CDC25A: variants seen among roughly 807,000 people sequenced by gnomAD.
CDC25A encodes M-phase inducer phosphatase 1.
In CDC25A, 17 loss-of-function variants were observed where a neutral mutation model predicts 64.6. The observed-to-expected ratio is 0.26, with a 90% CI of 0.18 to 0.39. The LOEUF (loss-of-function observed/expected upper bound fraction) is 0.39. CDC25A is among the 10% of genes least tolerant of loss of function. The pLI, the probability that CDC25A is intolerant of heterozygous loss-of-function variation, is 1.00. For missense variants in CDC25A, 473 were observed against 654.8 expected (o/e 0.72, Z 3.03); for synonymous variants, 229 against 238.6 (o/e 0.96, Z 0.37).
chr3:48,187,919 C>T lies in CDC25A; in HGVS notation c.29G>A (p.Arg10His), dbSNP rs1158177901. The change falls in exon 1 of 15, where the codon CGC becomes CAC. Residue 10 changes from arginine (R) to histidine (H), a missense_variant. Coordinates refer to ENST00000302506, the MANE Select transcript of CDC25A (RefSeq NM_001789.3). ...GCTGCAGGCGAAGAGCAGGCGGCGG[C>T]GGTGCGGGGGCTCCGGGCCCAGTTC... is the stretch of plus-strand genomic sequence containing the variant. MELGPEPPH[R>H]RRLLFACSPP... 3.9e-6 allele frequency: 6 copies of T among 1,533,082 alleles called. No homozygotes were observed. In the South Asian group the frequency reaches 6.0e-5, roughly 15 times the overall value. 95.0% of individuals were successfully genotyped at this position (1,533,082 alleles called of 1,614,324 possible).
chr3:48,160,493 C>T (rs2031710038), intron 13 of CDC25A, among the ~76,000 whole-genome samples: 1 of 151,562 alleles, frequency 6.6e-6, no homozygotes, highest in South Asian at 2.1e-4. Context: ...TCACTGCAAC[C>T]TCTGCCTCCT....
At position 48,167,951 on chromosome 3, in the gene CDC25A, CAAA is replaced by C; in HGVS notation, c.931-10_931-8del. 6.5e-7 allele frequency: 1 copy of C among 1,527,086 alleles called. No individual in the cohort carries two copies. The highest frequency in any genetic ancestry group is 9.1e-7 in the Non-Finnish European group (1 of 1,101,070). 94.6% of individuals were successfully genotyped at this position (1,527,086 alleles called of 1,614,324 possible). A position where few individuals can be genotyped will look rare whatever the true frequency, so the allele number is the denominator to read the frequency against. On this transcript the variant is annotated splice_region_variant and splice_polypyrimidine_tract_variant and intron_variant, in intron 9 of 14. Transcript: ENST00000302506. ...ATAAAGACTGATGAAGAGTCTGTAA[CAAA>C]TCAAAGGTAGAGAATGAGACAAGGG...
At chr3:48,182,415 A>G (rs1317134294) in intron 5 of CDC25A, among the ~76,000 whole-genome samples, 2 of 152,214 alleles carry the variant, frequency 1.3e-5, no homozygotes, top group Non-Finnish European at 2.9e-5. Flanking sequence ...CATTCAGGGT[A>G]GATAACCAGA....
chr3:48,167,900 G>T lies in CDC25A; in HGVS notation c.975C>A (p.Thr325=). ...SLSLASSPKG[T]IENILDNDPR... is the part of the protein sequence containing the mutation. ...GGTCATTGTCCAAAATGTTCTCAATGGTTCCTTTGGGGGAAGATGCCAGGG... is the reference window on the plus strand; with the variant it reads ...GGTCATTGTCCAAAATGTTCTCAATTGTTCCTTTGGGGGAAGATGCCAGGG... The change falls in exon 10 of 15, where the codon ACC becomes ACA. Residue 325 remains threonine (T), a synonymous_variant. Transcript: ENST00000302506. The T allele has an allele frequency of 5.0e-6, 8 of 1,610,756 alleles. No homozygotes were observed. Among genetic ancestry groups the T allele is most frequent in the Non-Finnish European group, 6.8e-6 (8 of 1,177,068 alleles).
At chr3:48,178,934 T>TC (rs1055086074) in intron 6 of CDC25A, among the ~76,000 whole-genome samples, 3 of 152,370 alleles carry the variant, frequency 2.0e-5, no homozygotes, top group Admixed American at 6.5e-5. Context: ...GTTATTTTTT[T>TC]CACAGTAGCA....
chr3:48,183,427 G>A (rs2032737511), intron 4 of CDC25A, among the ~76,000 whole-genome samples: 1 of 152,200 alleles, frequency 6.6e-6, no homozygotes, highest in Non-Finnish European at 1.5e-5. Context: ...GGGAATAGTG[G>A]CTCTTGCCTA....
intron 3 of CDC25A, 86 bp downstream of exon 3, chr3:48,184,567 T>G (rs1224816391): frequency 1.2e-6 from 1 of 862,750 alleles, no homozygotes; most frequent in Admixed American, 2.6e-5. Context: ...TCCAGTCCAG[T>G]GTATGAAGAA....
chr3:48,183,642 C>A (rs1039316203), intron 4 of CDC25A, among the ~76,000 whole-genome samples, 158 bp downstream of exon 4: 1 of 152,206 alleles, frequency 6.6e-6, no homozygotes, highest in African/African-American at 2.4e-5. Context: ...GATTTTGCCA[C>A]TGCACTCCAG....
chr3:48,183,116 G>A (rs2032724928), intron 4 of CDC25A, 86 bp from the exon 5 acceptor site: 1 of 859,006 alleles, frequency 1.2e-6, no homozygotes, highest in African/African-American at 1.7e-5. Flanking sequence ...AAAAAGGGGG[G>A]TTGAATAGGG....
chr3:48,175,508 C>G (rs1459779718), intron 8 of CDC25A, among the ~76,000 whole-genome samples: 1 of 152,198 alleles, frequency 6.6e-6, no homozygotes, highest in African/African-American at 2.4e-5. Flanking sequence ...AATGTCACTT[C>G]TTTGAAATCT....
rs1169800358 is a variant in CDC25A at position 48,159,081 on chromosome 3, T to A, written c.1439A>T (p.Tyr480Phe). ...GGGCCGGTAGCTAGGGGGCTCACAG[T>A]AAGACTGAGGGGACAGGAGAGAATA... ...YKEFFMKCQS[Y>F]CEPPSYRPMH... Residue 480 changes from tyrosine (Y) to phenylalanine (F), a missense_variant, in exon 15 of 15, where the codon TAC becomes TTC. By Grantham distance (22) the Tyr-to-Phe change is conservative. Around this residue, in one of 2 missense-constraint regions of CDC25A, gnomAD observed 97 missense variants for 223.0 expected, o/e 0.43. Coordinates refer to ENST00000302506, the MANE Select transcript of CDC25A (RefSeq NM_001789.3). 6.2e-7 allele frequency: 1 copy of A among 1,613,898 alleles called. No homozygotes were observed. The highest frequency in any genetic ancestry group is 8.5e-7 in the Non-Finnish European group (1 of 1,179,978).
chr3:48,173,347 T>C (rs2032338238), intron 9 of CDC25A, among the ~76,000 whole-genome samples: 1 of 151,552 alleles, frequency 6.6e-6, no homozygotes, highest in Admixed American at 6.6e-5. Context: ...ATGAGACAAA[T>C]CTAAAGCAGT....
intron 9 of CDC25A, among the ~76,000 whole-genome samples, chr3:48,170,498 G>A (rs1308451352): frequency 6.6e-6 from 1 of 152,232 alleles, no homozygotes; most frequent in African/African-American, 2.4e-5. Flanking sequence ...GGTGAGGTAT[G>A]GGAGAAGGGA....
Position 48,159,331 on chromosome 3 carries a change from A to G in CDC25A, c.1434+13T>C. 1 of 1,566,866 alleles carries G rather than the reference A, an allele frequency of 6.4e-7. No homozygotes were observed. Among genetic ancestry groups the G allele is most frequent in the Non-Finnish European group, 8.8e-7 (1 of 1,137,212 alleles). ...CAGGGGAGGAGAGATGCTCTCCACA[A>G]CCCCAGTCTTACCTGGCATTTCATA... On this transcript the variant is annotated intron_variant, in intron 14 of 14. Coordinates refer to ENST00000302506, the MANE Select transcript of CDC25A (RefSeq NM_001789.3).
At chr3:48,166,982 C>G (rs1401972967) in intron 10 of CDC25A, among the ~76,000 whole-genome samples, 1 of 152,216 alleles carries the variant, frequency 6.6e-6, no homozygotes, top group African/African-American at 2.4e-5. Flanking sequence ...TCTCTTCATT[C>G]TCCGTTCCTT....
intron 13 of CDC25A, among the ~76,000 whole-genome samples, chr3:48,163,671 G>A (rs2031885482): frequency 6.6e-6 from 1 of 152,040 alleles, no homozygotes. Flanking sequence ...AAATAAAAAG[G>A]TGGCATAAGA....
At chr3:48,159,257 G>T in intron 14 of CDC25A, 87 bp downstream of exon 14, 1 of 1,303,544 alleles carries the variant, frequency 7.7e-7, no homozygotes, top group Non-Finnish European at 1.1e-6. Context: ...CCGACCCCTG[G>T]AAAGAAAGTC....
chr3:48,186,760 C>A lies in CDC25A; in HGVS notation c.190G>T (p.Glu64Ter). Residue 64 changes from glutamate to a stop codon, truncating the protein, a stop_gained, in exon 2 of 15, where the codon GAG becomes TAG. Coordinates refer to ENST00000302506, the MANE Select transcript of CDC25A (RefSeq NM_001789.3). LOFTEE classifies it high-confidence loss of function. Reference sequence around the variant, plus strand: ...TGCAGATTACTGTTGTTCTTCACCTCCAGTGGTTGCTCATAATCACTGAAA... The same window carrying A: ...TGCAGATTACTGTTGTTCTTCACCTACAGTGGTTGCTCATAATCACTGAAA... ...GLGSDYEQPL[E>*]VKNNSNLQRM... The A allele has an allele frequency of 6.3e-7, 1 of 1,597,754 alleles. No homozygotes were observed. The highest frequency in any genetic ancestry group is 8.6e-7 in the Non-Finnish European group (1 of 1,169,000).
chr3:48,184,632 T>G, intron 3 of CDC25A, 21 bp downstream of exon 3: 3 of 1,556,672 alleles, frequency 1.9e-6, no homozygotes, highest in Non-Finnish European at 2.6e-6. Flanking sequence ...ATATAAACAT[T>G]TGAAAGCAGT....
Sources: allele counts gnomAD v4.1 joint callset (sites outside exome capture counted in the v4.1 genomes callset), GRCh38; gene constraint gnomAD v4.1.1; regional missense constraint gnomAD v4.1.1; transcripts MANE v1.5; gene names NCBI Gene and HGNC (gene_info 2026-07-23, HGNC 2026-07-21).